The following TOM1L2 variants were observed in gnomAD, a reference collection of about 807,000 sequenced individuals.
TOM1L2 encodes TOM1-like protein 2.
TOM1L2 carries 31 observed loss-of-function variants against 67.9 expected under a neutral mutation model. The observed-to-expected ratio is 0.46, with a 90% CI of 0.34 to 0.62. The LOEUF (loss-of-function observed/expected upper bound fraction) is 0.62. Ranked by LOEUF, TOM1L2 falls within the 20% of genes least tolerant of loss-of-function variation. TOM1L2 has a pLI of 0.01. For missense variants in TOM1L2, 606 were observed against 663.5 expected, an observed-to-expected ratio of 0.91 and a Z score of 0.95; for synonymous variants, 256 against 254.0, an observed-to-expected ratio of 1.01 and a Z score of -0.07.
intron 4 of TOM1L2, among the ~76,000 whole-genome samples, chr17:17,885,627 T>TA (rs1015006848): frequency 5.2e-4 from 78 of 150,092 alleles, no homozygotes; most frequent in African/African-American, 1.7e-3. Flanking sequence ...ACTTAAAAAT[T>TA]AAAAAAAAAA....
chr17:17,915,841 G>GTT (rs34675283), intron 1 of TOM1L2, among the ~76,000 whole-genome samples: 8 of 130,340 alleles, frequency 6.1e-5, no homozygotes, highest in Non-Finnish European at 1.1e-4. Context: ...AACTGAGTAG[G>GTT]TTTTTTTTTT....
chr17:17,918,321 A>G (rs2039713786), intron 1 of TOM1L2, among the ~76,000 whole-genome samples: 1 of 151,944 alleles, frequency 6.6e-6, no homozygotes, highest in Non-Finnish European at 1.5e-5. Flanking sequence ...GAACAGAGAT[A>G]ATTTTACTCC....
At chr17:17,928,486 T>A (rs1187832694) in intron 1 of TOM1L2, among the ~76,000 whole-genome samples, 2 of 152,222 alleles carry the variant, frequency 1.3e-5, no homozygotes, top group African/African-American at 4.8e-5. Flanking sequence ...CATGCTCACA[T>A]AATGGAAAGG....
chr17:17,873,845 G>C (rs2037279576), intron 7 of TOM1L2, among the ~76,000 whole-genome samples: 1 of 152,232 alleles, frequency 6.6e-6, no homozygotes, highest in African/African-American at 2.4e-5. Context: ...ATGGCACGGG[G>C]CCAGGGCAGC....
chr17:17,926,583 C>T (rs1206488509), intron 1 of TOM1L2, among the ~76,000 whole-genome samples: 3 of 152,098 alleles, frequency 2.0e-5, no homozygotes, highest in Non-Finnish European at 4.4e-5. Flanking sequence ...CATATTTGGG[C>T]CTGGTGTGAT....
At chr17:17,944,986 C>G (rs1193940781) in intron 1 of TOM1L2, among the ~76,000 whole-genome samples, 1 of 152,184 alleles carries the variant, frequency 6.6e-6, no homozygotes, top group African/African-American at 2.4e-5. Flanking sequence ...CAGATGCTGC[C>G]CGCACTGCCG....
At chr17:17,947,399 A>G (rs2040996708) in intron 1 of TOM1L2, among the ~76,000 whole-genome samples, 1 of 152,228 alleles carries the variant, frequency 6.6e-6, no homozygotes. Flanking sequence ...AGCCCTAAGC[A>G]CCAGTACCTC....
chr17:17,956,625 G>C (rs1050713506), intron 1 of TOM1L2, among the ~76,000 whole-genome samples: 1 of 152,230 alleles, frequency 6.6e-6, no homozygotes, highest in Admixed American at 6.5e-5. Context: ...TGCAGGTCCA[G>C]AGTCCTGCCC....
chr17:17,899,442 T>C (rs751419089), intron 2 of TOM1L2, among the ~76,000 whole-genome samples: 32 of 152,246 alleles, frequency 2.1e-4, no homozygotes, highest in Non-Finnish European at 1.6e-4. Context: ...ACAAATGGGC[T>C]CTGTCCAAAA....
At chr17:17,864,623 T>C (rs1311200266) in intron 10 of TOM1L2, among the ~76,000 whole-genome samples, 2 of 151,880 alleles carry the variant, frequency 1.3e-5, no homozygotes, top group Non-Finnish European at 2.9e-5. Flanking sequence ...GCGATCCTCC[T>C]GCCTCAACCC....
At chr17:17,947,545 A>T (rs1389735454) in intron 1 of TOM1L2, among the ~76,000 whole-genome samples, 2 of 152,216 alleles carry the variant, frequency 1.3e-5, no homozygotes, top group Non-Finnish European at 2.9e-5. Flanking sequence ...TTGGCAAGCC[A>T]CGGAAAGAGG....
At position 17,866,149 on chromosome 17, in the gene TOM1L2, A is replaced by G. The variant is rs1598212755; in HGVS notation, c.1084+147T>C. The G allele has an allele frequency of 2.4e-5, 23 of 970,594 alleles. No homozygotes were observed. In the East Asian group the frequency reaches 6.7e-4, roughly 28 times the overall value. 60.1% of individuals were successfully genotyped at this position (970,594 alleles called of 1,614,324 possible). On this transcript the variant is annotated intron_variant, in intron 10 of 14. Coordinates refer to ENST00000379504, the MANE Select transcript of TOM1L2 (RefSeq NM_001082968.2). ...AGGTATGAATTGAAAGTAAGGTGGTACAACTGGCTAGGACTCAGGAATACA... is the reference window on the plus strand; with the variant it reads ...AGGTATGAATTGAAAGTAAGGTGGTGCAACTGGCTAGGACTCAGGAATACA...
chr17:17,949,644 C>T (rs890478510), intron 1 of TOM1L2, among the ~76,000 whole-genome samples: 5 of 152,118 alleles, frequency 3.3e-5, no homozygotes, highest in Admixed American at 6.5e-5. Flanking sequence ...CCCACATAAG[C>T]GAGAAGCAGA....
intron 1 of TOM1L2, among the ~76,000 whole-genome samples, chr17:17,956,427 G>A (rs1278443350): frequency 6.6e-6 from 1 of 152,222 alleles, no homozygotes; most frequent in African/African-American, 2.4e-5. Flanking sequence ...AAACCCAGCT[G>A]GCTTCACCCA....
At chr17:17,949,035 C>T (rs1036226437) in intron 1 of TOM1L2, among the ~76,000 whole-genome samples, 1 of 152,122 alleles carries the variant, frequency 6.6e-6, no homozygotes, top group African/African-American at 2.4e-5. Flanking sequence ...GTCCCATAGA[C>T]CAGAGAATGG....
chr17:17,896,798 A>C (rs1024272820), intron 3 of TOM1L2, among the ~76,000 whole-genome samples: 13 of 152,364 alleles, frequency 8.5e-5, no homozygotes, highest in Non-Finnish European at 1.5e-4. Context: ...CTTCTTACTA[A>C]CTTATTTTGG....
At chr17:17,884,540 A>G (rs1371290195) in intron 5 of TOM1L2, 94 bp downstream of exon 5, 6 of 1,550,338 alleles carry the variant, frequency 3.9e-6, no homozygotes, top group Admixed American at 3.5e-5. Context: ...GACAAGCTGA[A>G]TAATTCAAAG....
At chr17:17,885,782 G>A (rs2037963423) in intron 4 of TOM1L2, among the ~76,000 whole-genome samples, 1 of 151,864 alleles carries the variant, frequency 6.6e-6, no homozygotes, top group African/African-American at 2.4e-5. Context: ...AAAATTAGCT[G>A]GGCGTGGTGG....
chr17:17,898,516 G>T, intron 3 of TOM1L2, 80 bp downstream of exon 3: 1 of 1,446,576 alleles, frequency 6.9e-7, no homozygotes, highest in Non-Finnish European at 9.7e-7. Flanking sequence ...GTGGGCAGAG[G>T]GAAGGCCCTG....
Sources: allele counts gnomAD v4.1 joint callset (sites outside exome capture counted in the v4.1 genomes callset), GRCh38; gene constraint gnomAD v4.1.1; transcripts MANE v1.5; gene names NCBI Gene and HGNC (gene_info 2026-07-23, HGNC 2026-07-21).